The following PPIP5K2 variants were observed in gnomAD, a reference collection of about 807,000 sequenced individuals.
PPIP5K2 encodes diphosphoinositol pentakisphosphate kinase 2.
Under a neutral mutation model 154.6 loss-of-function variants are expected in PPIP5K2, and 105 were observed. The observed-to-expected ratio is 0.68, with a 90% CI of 0.58 to 0.80. The LOEUF (loss-of-function observed/expected upper bound fraction) is 0.80. Ranked by LOEUF, PPIP5K2 falls within the 30% of genes least tolerant of loss-of-function variation. PPIP5K2 has a pLI of 0.00. For synonymous variants in PPIP5K2, 480 were observed against 490.3 expected (o/e 0.98, Z 0.28); for missense variants, 992 against 1,504.6 (o/e 0.66, Z 5.64).
intron 28 of PPIP5K2, chr5:103,189,034 C>T: frequency 5.3e-6 from 3 of 568,254 alleles, no homozygotes; most frequent in Non-Finnish European, 8.9e-6. Flanking sequence ...TTTTATTTCC[C>T]CTAACTTTCA....
intron 29 of PPIP5K2, among the ~76,000 whole-genome samples, chr5:103,194,401 G>T (rs1221215861): frequency 6.6e-6 from 1 of 152,106 alleles, no homozygotes; most frequent in African/African-American, 2.4e-5. Flanking sequence ...CGATCCTCCT[G>T]CCTTGCCTAA....
intron 23 of PPIP5K2, among the ~76,000 whole-genome samples, chr5:103,179,659 T>C (rs375067716): frequency 2.3e-4 from 35 of 152,248 alleles, no homozygotes; most frequent in African/African-American, 8.4e-4. Context: ...TTGATGAGAC[T>C]CCTATATAAC....
At chr5:103,172,841 C>G (rs1232050222) in intron 19 of PPIP5K2, among the ~76,000 whole-genome samples, 2 of 151,588 alleles carry the variant, frequency 1.3e-5, no homozygotes, top group African/African-American at 4.8e-5. Context: ...ATCCACCTTT[C>G]TTTTAGGGTT....
At chr5:103,195,656 T>C (rs1431589298) in intron 30 of PPIP5K2, among the ~76,000 whole-genome samples, 2 of 152,224 alleles carry the variant, frequency 1.3e-5, no homozygotes, top group African/African-American at 4.8e-5. Context: ...TCCATTTATC[T>C]TATTCCTCTA....
chr5:103,131,205 G>A (rs926419423), intron 2 of PPIP5K2, among the ~76,000 whole-genome samples: 2 of 152,052 alleles, frequency 1.3e-5, no homozygotes, highest in Non-Finnish European at 2.9e-5. Context: ...ATATCCATGG[G>A]GGATTGGTTC....
At chr5:103,153,807 T>A (rs34767) in intron 10 of PPIP5K2, 41 bp from the exon 11 acceptor site, 110 of 1,402,740 alleles carry the variant, frequency 7.8e-5, no homozygotes, top group Non-Finnish European at 1.0e-4. Context: ...AACACAAATC[T>A]TTTTTAGAGA....
intron 4 of PPIP5K2, 70 bp from the exon 5 acceptor site, chr5:103,138,314 A>C (rs1791928274): frequency 2.2e-6 from 2 of 908,542 alleles, no homozygotes; most frequent in Non-Finnish European, 3.2e-6. Flanking sequence ...GTCTTTTAAG[A>C]AAACTACAAT....
chr5:103,149,575 G>T (rs1467118399), intron 8 of PPIP5K2, among the ~76,000 whole-genome samples: 2 of 151,862 alleles, frequency 1.3e-5, no homozygotes, highest in African/African-American at 4.8e-5. Context: ...AGTGTTTTAG[G>T]GTTATTGTCT....
intron 5 of PPIP5K2, among the ~76,000 whole-genome samples, chr5:103,142,925 G>A (rs1354736143): frequency 6.6e-6 from 1 of 152,116 alleles, no homozygotes; most frequent in African/African-American, 2.4e-5. Flanking sequence ...AGGCAAACCT[G>A]TCAGAAATAA....
At position 103,158,583 on chromosome 5, in the gene PPIP5K2, A is replaced by T. The variant is rs782332819; in HGVS notation, c.1737+10A>T. Reference sequence around the variant, plus strand: ...AGCTGCTTTTGCAAAGGTATAAATAATTTTTTTTTAGAATTATTAGAGTTT... The same window carrying T: ...AGCTGCTTTTGCAAAGGTATAAATATTTTTTTTTTAGAATTATTAGAGTTT... On this transcript the variant is annotated intron_variant, in intron 16 of 30. Coordinates refer to ENST00000358359, the MANE Select transcript of PPIP5K2 (RefSeq NM_001276277.3). 1.1e-5 allele frequency: 17 copies of T among 1,552,032 alleles called. No homozygotes were observed. Among genetic ancestry groups the T allele is most frequent in the Admixed American group, 6.5e-5 (3 of 45,964 alleles).
chr5:103,123,839 A>G (rs1327993963), intron 1 of PPIP5K2, among the ~76,000 whole-genome samples: 1 of 152,218 alleles, frequency 6.6e-6, no homozygotes, highest in East Asian at 1.9e-4. Context: ...CAGTTAGCAT[A>G]TGTTGAAATT....
At chr5:103,188,150 T>C (rs1554225743) in intron 28 of PPIP5K2, among the ~76,000 whole-genome samples, 1 of 152,180 alleles carries the variant, frequency 6.6e-6, no homozygotes, top group Non-Finnish European at 1.5e-5. Flanking sequence ...AAGGAATTAT[T>C]GCCATTACAA....
Position 103,202,637 on chromosome 5 carries a change from T to A in PPIP5K2, c.*1003T>A, listed in dbSNP as rs1803183070. 1 of 152,176 alleles carries A rather than the reference T, an allele frequency of 6.6e-6. No homozygotes were observed. The highest frequency in any genetic ancestry group is 2.4e-5 in the African/African-American group (1 of 41,452). 9.4% of individuals were successfully genotyped at this position (152,176 alleles called of 1,614,324 possible). A position where few individuals can be genotyped will look rare whatever the true frequency, so the allele number is the denominator to read the frequency against. Reference sequence around the variant, plus strand: ...GAAATAAATGCTCTTTATAAATGATTAGATTTTTGAAGGGATATTGAAATC... The same window carrying A: ...GAAATAAATGCTCTTTATAAATGATAAGATTTTTGAAGGGATATTGAAATC... On this transcript the variant is annotated 3_prime_UTR_variant, in exon 31 of 31. Transcript: ENST00000358359.
chr5:103,145,673 TA>T (rs140162107), intron 5 of PPIP5K2, among the ~76,000 whole-genome samples: 7,781 of 151,564 alleles, frequency 0.051, 504 homozygotes, highest in African/African-American at 0.16. Flanking sequence ...TGTGGGAGCT[TA>T]AAAAAAAGAT....
chr5:103,140,090 CTTCG>C lies in PPIP5K2; in HGVS notation c.487+1624_487+1627del, dbSNP rs139710754. Among the ~76,000 whole-genome samples the C allele has an allele frequency of 5.8e-3, 867 of 150,698 alleles. 6 individuals carry two copies. The highest frequency in any genetic ancestry group is 0.02 in the African/African-American group (830 of 41,000). On this transcript the variant is annotated intron_variant, in intron 5 of 30. Coordinates refer to ENST00000358359, the MANE Select transcript of PPIP5K2 (RefSeq NM_001276277.3). The stretch of plus-strand genomic sequence containing the variant: ...TTTCATCTTTTTAGCCCACTCCTTT[CTTCG>C]TTTTTCTTTAAGAACTTTGGGACCT...
At chr5:103,189,503 T>C (rs1416680635) in intron 28 of PPIP5K2, among the ~76,000 whole-genome samples, 1 of 152,176 alleles carries the variant, frequency 6.6e-6, no homozygotes, top group Non-Finnish European at 1.5e-5. Context: ...TGCGCTCATT[T>C]GCATGAATCT....
intron 17 of PPIP5K2, among the ~76,000 whole-genome samples, chr5:103,162,202 C>T (rs1264159348): frequency 1.3e-5 from 2 of 152,050 alleles, no homozygotes; most frequent in Non-Finnish European, 2.9e-5. Flanking sequence ...GGACAAGTCT[C>T]TTGTCCTTTT....
intron 5 of PPIP5K2, among the ~76,000 whole-genome samples, chr5:103,142,785 A>AT: frequency 6.6e-6 from 1 of 151,898 alleles, no homozygotes; most frequent in South Asian, 2.1e-4. Flanking sequence ...CAAAAAAAAA[A>AT]AAAAAATTCA....
At chr5:103,150,898 A>AT (rs1202744843) in intron 8 of PPIP5K2, among the ~76,000 whole-genome samples, 172 of 100,542 alleles carry the variant, frequency 1.7e-3, no homozygotes, top group African/African-American at 6.0e-3. Flanking sequence ...GCTAGAGCCA[A>AT]TTTTTTTTTA....
Sources: allele counts gnomAD v4.1 joint callset (sites outside exome capture counted in the v4.1 genomes callset), GRCh38; gene constraint gnomAD v4.1.1; transcripts MANE v1.5; gene names NCBI Gene and HGNC (gene_info 2026-07-23, HGNC 2026-07-21).